The following NECAB1 variants were observed in gnomAD, a reference collection of about 807,000 sequenced individuals.
The protein encoded by NECAB1 is N-terminal EF-hand calcium-binding protein 1.
NECAB1 carries 29 observed loss-of-function variants against 57.5 expected under a neutral mutation model. The observed-to-expected ratio is 0.50, with a 90% CI of 0.38 to 0.69. The LOEUF is 0.69. Ranked by LOEUF, NECAB1 falls within the 30% of genes least tolerant of loss-of-function variation. The probability of loss-of-function intolerance (pLI) is 0.00; values close to 1 mark genes in which losing one functional copy is unlikely to be tolerated. For missense variants in NECAB1, 372 were observed against 413.8 expected (o/e 0.90, Z 0.88); for synonymous variants, 142 against 147.7 (o/e 0.96, Z 0.28).
intron 2 of NECAB1, among the ~76,000 whole-genome samples, chr8:90,821,716 G>A (rs80119975): frequency 3.0e-3 from 451 of 150,520 alleles, no homozygotes; most frequent in Non-Finnish European, 4.0e-3. Flanking sequence ...CCTGTGTCTC[G>A]TAGAATCCCC....
intron 10 of NECAB1, among the ~76,000 whole-genome samples, chr8:90,942,549 T>C (rs1471762606): frequency 6.6e-6 from 1 of 152,200 alleles, no homozygotes; most frequent in Non-Finnish European, 1.5e-5. Flanking sequence ...GGTGGGAATA[T>C]GTGTAGTTTT....
chr8:90,811,425 G>A (rs891767155), intron 2 of NECAB1, among the ~76,000 whole-genome samples: 4 of 152,138 alleles, frequency 2.6e-5, no homozygotes, highest in African/African-American at 9.7e-5. Flanking sequence ...AGAGGTCTCT[G>A]GGATAGGATG....
intron 3 of NECAB1, among the ~76,000 whole-genome samples, chr8:90,853,689 A>T (rs1489052333): frequency 6.6e-6 from 1 of 152,180 alleles, no homozygotes; most frequent in Non-Finnish European, 1.5e-5. Context: ...CTTCATCTTT[A>T]TATAAAGACA....
chr8:90,811,144 G>C (rs973433943), intron 2 of NECAB1, among the ~76,000 whole-genome samples: 2 of 151,852 alleles, frequency 1.3e-5, no homozygotes, highest in African/African-American at 4.8e-5. Flanking sequence ...GCAGAGACAG[G>C]GTTTCACTCT....
At chr8:90,870,551 G>T (rs796820401) in intron 3 of NECAB1, among the ~76,000 whole-genome samples, 18 of 152,038 alleles carry the variant, frequency 1.2e-4, no homozygotes, top group African/African-American at 4.3e-4. Flanking sequence ...GTTTCCTTTG[G>T]CTGCCTCCTC....
At chr8:90,839,872 G>A (rs892823307) in intron 3 of NECAB1, among the ~76,000 whole-genome samples, 1 of 152,132 alleles carries the variant, frequency 6.6e-6, no homozygotes, top group Non-Finnish European at 1.5e-5. Flanking sequence ...GGGAGTGACT[G>A]GATTAGGTTT....
At chr8:90,828,269 CAAAGATTTTTGT>C (rs1812254871) in intron 3 of NECAB1, among the ~76,000 whole-genome samples, 1 of 151,864 alleles carries the variant, frequency 6.6e-6, no homozygotes, top group African/African-American at 2.4e-5. Flanking sequence ...AAGATTTCTG[CAAAGATTTTTGT>C]ATATGAATAT....
chr8:90,878,028 G>A (rs972788682), intron 4 of NECAB1, among the ~76,000 whole-genome samples: 5 of 151,824 alleles, frequency 3.3e-5, no homozygotes, highest in African/African-American at 9.7e-5. Flanking sequence ...GGCAGACTTG[G>A]GCATTCTTTT....
At chr8:90,890,592 C>G (rs1809138294) in intron 5 of NECAB1, among the ~76,000 whole-genome samples, 1 of 151,954 alleles carries the variant, frequency 6.6e-6, no homozygotes, top group South Asian at 2.1e-4. Flanking sequence ...ATCAATAGAG[C>G]CAAAACACAT....
chr8:90,917,424 G>GAAA, intron 5 of NECAB1, 68 bp from the exon 6 acceptor site: 3 of 1,217,224 alleles, frequency 2.5e-6, no homozygotes, highest in Non-Finnish European at 3.3e-6. Flanking sequence ...CATGGTAAAA[G>GAAA]AAAAAAAAAA....
chr8:90,951,193 T>A lies in NECAB1; in HGVS notation c.1019T>A (p.Met340Lys), dbSNP rs1177172713. 1 of 1,577,740 alleles carries A rather than the reference T, an allele frequency of 6.3e-7. No individual in the cohort carries two copies. Among genetic ancestry groups the A allele is most frequent in the South Asian group, 1.1e-5 (1 of 87,666 alleles). The change falls in exon 12 of 13, where the codon ATG becomes AAG. Residue 340 changes from methionine (M) to lysine (K), a missense_variant. Transcript: ENST00000417640. ...FLETPELTST[M>K]LVPASWWILN... ...GAAACTCCAGAACTCACATCTACAA[T>A]GCTAGTTCCTGGTAATTATCCTGGG...
At chr8:90,873,065 A>G (rs921277532) in intron 4 of NECAB1, among the ~76,000 whole-genome samples, 1 of 152,232 alleles carries the variant, frequency 6.6e-6, no homozygotes. Context: ...GAGCAACACC[A>G]AAAGATGTTA....
intron 4 of NECAB1, among the ~76,000 whole-genome samples, chr8:90,874,287 A>C (rs1808674673): frequency 6.6e-6 from 1 of 152,210 alleles, no homozygotes; most frequent in Non-Finnish European, 1.5e-5. Flanking sequence ...GCCAATTAGA[A>C]GTTGCAGGTA....
rs1313380307 is a variant in NECAB1, at chr8:90,955,681, A to C, written c.*169A>C. 2 of 482,900 alleles carry C rather than the reference A, an allele frequency of 4.1e-6. No homozygotes were observed. Among genetic ancestry groups the C allele is most frequent in the Non-Finnish European group, 7.2e-6 (2 of 277,364 alleles). The allele number at this position is 482,900 out of a possible 1,614,324, so 29.9% of individuals were successfully genotyped here. On this transcript the variant is annotated 3_prime_UTR_variant, in exon 13 of 13. Transcript: ENST00000417640. The stretch of plus-strand genomic sequence containing the variant: ...TTCTATAACTTTATCAATTCATGTG[A>C]ATTTTAGCTCAATTTTCAAAGTTCA...
rs541556454 is a variant in NECAB1 at position 90,791,871 on chromosome 8, G to A, written c.-16G>A. The A allele has an allele frequency of 3.1e-5, 48 of 1,546,924 alleles. No homozygotes were observed. The African/African-American group carries it at 3.1e-4, about 10-fold the overall frequency. ...GCCTAGCCCCGCTCCGCCTGAGGCC[G>A]TCAGGGCTCCCGAGGATGGAAGATT... is the stretch of plus-strand genomic sequence containing the variant. On this transcript the variant is annotated 5_prime_UTR_variant, in exon 1 of 13. Transcript: ENST00000417640.
At chr8:90,798,967 T>A (rs1156929521) in intron 1 of NECAB1, among the ~76,000 whole-genome samples, 3 of 151,512 alleles carry the variant, frequency 2.0e-5, no homozygotes, top group African/African-American at 7.3e-5. Context: ...TGTGGTTGTG[T>A]TTTTTTTGAC....
chr8:90,802,362 C>T (rs1034528133), intron 2 of NECAB1, among the ~76,000 whole-genome samples: 2 of 152,228 alleles, frequency 1.3e-5, no homozygotes, highest in Non-Finnish European at 2.9e-5. Flanking sequence ...TGCACAACAT[C>T]TAAGTTGTCA....
At chr8:90,854,797 T>C (rs1015490921) in intron 3 of NECAB1, among the ~76,000 whole-genome samples, 2 of 152,226 alleles carry the variant, frequency 1.3e-5, no homozygotes, top group African/African-American at 2.4e-5. Flanking sequence ...TACATGTTAA[T>C]GAGCTGCTAC....
At chr8:90,950,275 AT>A (rs1810899193) in intron 11 of NECAB1, among the ~76,000 whole-genome samples, 1 of 152,112 alleles carries the variant, frequency 6.6e-6, no homozygotes, top group Non-Finnish European at 1.5e-5. Flanking sequence ...CTGTGCAGTT[AT>A]TTTATTTTAC....
Sources: gnomAD v4.1 joint callset for allele counts (sites outside exome capture counted in the v4.1 genomes callset) on GRCh38, gnomAD v4.1.1 for gene constraint, MANE v1.5 for transcripts, NCBI Gene and HGNC (gene_info 2026-07-23, HGNC 2026-07-21) for gene names.